The following NAP1L1 variants were observed in gnomAD, a reference collection of about 807,000 sequenced individuals.
The protein encoded by NAP1L1 is nucleosome assembly protein 1-like 1.
In NAP1L1, 9 loss-of-function variants were observed where a neutral mutation model predicts 58.9. That is an observed-to-expected ratio of 0.15 (90% CI 0.09 to 0.27). The LOEUF (loss-of-function observed/expected upper bound fraction) is 0.27, where lower values mean the gene tolerates loss of function less well. NAP1L1 is among the 10% of genes least tolerant of loss of function. The probability of loss-of-function intolerance (pLI) is 1.00; values close to 1 mark genes in which losing one functional copy is unlikely to be tolerated. For missense variants in NAP1L1, 302 were observed against 458.8 expected (o/e 0.66, Z 3.12); for synonymous variants, 130 against 138.3 (o/e 0.94, Z 0.42).
chr12:76,062,253 C>T (rs1216883351), intron 4 of NAP1L1, among the ~76,000 whole-genome samples: 1 of 152,104 alleles, frequency 6.6e-6, no homozygotes, highest in Non-Finnish European at 1.5e-5. Flanking sequence ...AGTCCCCCAC[C>T]CTACAAAGCA....
chr12:76,052,055 T>C (rs1380727162), intron 11 of NAP1L1, among the ~76,000 whole-genome samples: 2 of 151,958 alleles, frequency 1.3e-5, no homozygotes, highest in African/African-American at 4.8e-5. Flanking sequence ...ATCCCACTTC[T>C]ATGATACTAA....
rs35898958 is a variant in NAP1L1 at position 76,043,477 on chromosome 12, GAAAAA to G, written c.*4947_*4951del. 20 of 121,222 alleles carry G rather than the reference GAAAAA, an allele frequency of 1.6e-4. No homozygotes were observed. The highest frequency in any genetic ancestry group is 2.7e-4 in the East Asian group (1 of 3,734). The allele number at this position is 121,222 out of a possible 1,614,324, so 7.5% of individuals were successfully genotyped here. ...GCAAATGAAGTAAGACCCTGTCTCA[GAAAAA>G]AAAAAAAAAAAAAAAATTTCTACAT... On this transcript the variant is annotated 3_prime_UTR_variant, in exon 15 of 15. Transcript: ENST00000618691.
chr12:76,058,766 A>T (rs981870178), intron 6 of NAP1L1, among the ~76,000 whole-genome samples: 2 of 152,206 alleles, frequency 1.3e-5, no homozygotes, highest in Admixed American at 6.5e-5. Context: ...TTACTGATCT[A>T]AAGCTGAGTG....
Position 76,048,114 on chromosome 12 carries a change from A to T in NAP1L1, c.*315T>A. 1 of 320,452 alleles carries T rather than the reference A, an allele frequency of 3.1e-6. No individual in the cohort carries two copies. The allele number at this position is 320,452 out of a possible 1,614,324, so 19.9% of individuals were successfully genotyped here. A position where few individuals can be genotyped will look rare whatever the true frequency, so the allele number is the denominator to read the frequency against. The stretch of plus-strand genomic sequence containing the variant: ...AGGAAAAAATTACAAAAAAAAAAAA[A>T]AGGTATTTCCTTTAACAGTTGTTAA... On this transcript the variant is annotated 3_prime_UTR_variant, in exon 15 of 15. Transcript: ENST00000618691.
At chr12:76,060,721 T>C (rs978926099) in intron 4 of NAP1L1, among the ~76,000 whole-genome samples, 1 of 152,222 alleles carries the variant, frequency 6.6e-6, no homozygotes, top group East Asian at 1.9e-4. Flanking sequence ...TTAGTCTCCA[T>C]ATTTAATTAG....
intron 4 of NAP1L1, among the ~76,000 whole-genome samples, chr12:76,063,595 C>G (rs753180462): frequency 6.6e-6 from 1 of 152,024 alleles, no homozygotes; most frequent in Non-Finnish European, 1.5e-5. Flanking sequence ...CTCGGGAGTT[C>G]GAGACTAGCC....
chr12:76,072,896 A>T (rs1950023220), intron 2 of NAP1L1, among the ~76,000 whole-genome samples: 1 of 152,126 alleles, frequency 6.6e-6, no homozygotes, highest in African/African-American at 2.4e-5. Context: ...GCTCCCTTGT[A>T]CTCTTCCAAG....
intron 4 of NAP1L1, among the ~76,000 whole-genome samples, chr12:76,066,129 T>TAAAC (rs1949658030): frequency 8.5e-6 from 1 of 117,118 alleles, no homozygotes; most frequent in Non-Finnish European, 1.7e-5. Context: ...AATAAATAAA[T>TAAAC]AAATAAATAA....
In NAP1L1 at chr12:76,043,691, C is replaced by T. The variant is rs768026319; in HGVS notation, c.*4738G>A. ...CAATTGTTCTGTTCTGGGACCTTTG[C>T]CTGTATTTCCTCCTGTTCCTCCACC... On this transcript the variant is annotated 3_prime_UTR_variant, in exon 15 of 15. Transcript: ENST00000618691. The T allele has an allele frequency of 2.6e-5, 4 of 151,126 alleles. No individual in the cohort carries two copies. The highest frequency in any genetic ancestry group is 4.8e-5 in the African/African-American group (2 of 41,288). 9.4% of individuals were successfully genotyped at this position (151,126 alleles called of 1,614,324 possible).
intron 1 of NAP1L1, among the ~76,000 whole-genome samples, chr12:76,077,980 CAAAAAAAAA>C (rs58558132): frequency 1.5e-5 from 1 of 65,964 alleles, no homozygotes; most frequent in Non-Finnish European, 2.7e-5. Flanking sequence ...GACCCTGTCT[CAAAAAAAAA>C]AAAAAAAAAA....
chr12:76,043,081 C>T lies in NAP1L1; in HGVS notation c.*5348G>A, dbSNP rs1405613433. The T allele has an allele frequency of 1.3e-5, 2 of 152,124 alleles. No homozygotes were observed. Among genetic ancestry groups the T allele is most frequent in the Admixed American group, 6.5e-5 (1 of 15,274 alleles). 9.4% of individuals were successfully genotyped at this position (152,124 alleles called of 1,614,324 possible). ...AGTAAATTATCTTAACAGCTAACAG[C>T]GTCTTGTTCACTGCTGCTGCCACGT... On this transcript the variant is annotated 3_prime_UTR_variant, in exon 15 of 15. Coordinates refer to ENST00000618691, the MANE Select transcript of NAP1L1 (RefSeq NM_004537.7).
chr12:76,060,691 T>G (rs1190885322), intron 4 of NAP1L1, among the ~76,000 whole-genome samples: 1 of 152,192 alleles, frequency 6.6e-6, no homozygotes, highest in East Asian at 1.9e-4. Context: ...AAGGACAAGA[T>G]TCCACACACC....
In NAP1L1 at chr12:76,041,597, CAT is replaced by C; in HGVS notation, c.*6830_*6831del. On this transcript the variant is annotated 3_prime_UTR_variant, in exon 15 of 15. Transcript: ENST00000618691. ...AGTTCCAGCCTCCAGTTTTGAAATC[CAT>C]AGTTAAGTGCGGCAGCTCCCACTTG... 6.6e-6 allele frequency: 1 copy of C among 152,320 alleles called. No homozygotes were observed. The highest frequency in any genetic ancestry group is 2.4e-5 in the African/African-American group (1 of 41,562). 9.4% of individuals were successfully genotyped at this position (152,320 alleles called of 1,614,324 possible).
chr12:76,063,765 A>G (rs1392944316), intron 4 of NAP1L1, among the ~76,000 whole-genome samples: 1 of 152,046 alleles, frequency 6.6e-6, no homozygotes, highest in Non-Finnish European at 1.5e-5. Flanking sequence ...ATGGCACTCC[A>G]GCCTGGATGA....
In NAP1L1 at chr12:76,053,075, T is replaced by G; in HGVS notation, c.936+16A>C. 6.3e-7 allele frequency: 1 copy of G among 1,597,154 alleles called. No homozygotes were observed. Among genetic ancestry groups the G allele is most frequent in the Non-Finnish European group, 8.6e-7 (1 of 1,168,436 alleles). On this transcript the variant is annotated intron_variant, in intron 11 of 14. Coordinates refer to ENST00000618691, the MANE Select transcript of NAP1L1 (RefSeq NM_004537.7). ...TATACTTAACAATTCAATAAATATATAACAATTCAACTTACCAGATCTCCA... is the reference window on the plus strand; with the variant it reads ...TATACTTAACAATTCAATAAATATAGAACAATTCAACTTACCAGATCTCCA...
At position 76,059,821 on chromosome 12, in the gene NAP1L1, G is replaced by T. The variant is rs1183525394; in HGVS notation, c.406C>A (p.Pro136Thr). 6.2e-7 allele frequency: 1 copy of T among 1,603,346 alleles called. No individual in the cohort carries two copies. Among genetic ancestry groups the T allele is most frequent in the East Asian group, 2.2e-5 (1 of 44,662 alleles). ...ACCGAAATCTCATCTTCTTCATCTGGTTTCCATTCACATTCTTCTTCCGTA... is the reference window on the plus strand; with the variant it reads ...ACCGAAATCTCATCTTCTTCATCTGTTTTCCATTCACATTCTTCTTCCGTA... The part of the protein sequence containing the change: ...EPTEEECEWK[P>T]DEEDEISEEL... Residue 136 changes from proline (P) to threonine (T), a missense_variant, in exon 6 of 15, where the codon CCA becomes ACA. Transcript: ENST00000618691.
At chr12:76,081,412 A>T (rs1950405513) in intron 1 of NAP1L1, among the ~76,000 whole-genome samples, 1 of 152,142 alleles carries the variant, frequency 6.6e-6, no homozygotes, top group South Asian at 2.1e-4. Context: ...GCTCTTCTGT[A>T]CCCTCTTTAG....
chr12:76,050,576 T>A lies in NAP1L1; in HGVS notation c.1014A>T (p.Ser338=), dbSNP rs754425071. 6.2e-7 allele frequency: 1 copy of A among 1,612,408 alleles called. No individual in the cohort carries two copies. The highest frequency in any genetic ancestry group is 1.7e-5 in the Admixed American group (1 of 59,538). The change falls in exon 12 of 15, where the codon TCA becomes TCT. Residue 338 remains serine, a synonymous_variant. Coordinates refer to ENST00000618691, the MANE Select transcript of NAP1L1 (RefSeq NM_004537.7). ...TAGCTTCTCCAGTAAAATATAACAC[T>A]GATCTTGGGATTATACGCTCACGTA... ...HFLRERIIPR[S]VLYFTGEAIE...
chr12:76,048,818 G>C (rs180727816), intron 14 of NAP1L1, among the ~76,000 whole-genome samples: 2 of 152,228 alleles, frequency 1.3e-5, no homozygotes, highest in African/African-American at 2.4e-5. Context: ...CAGGGACTGA[G>C]TAAGAGTAGT....
Sources: gnomAD v4.1 joint callset for allele counts (sites outside exome capture counted in the v4.1 genomes callset) on GRCh38, gnomAD v4.1.1 for gene constraint, MANE v1.5 for transcripts, NCBI Gene and HGNC (gene_info 2026-07-23, HGNC 2026-07-21) for gene names.